Variants in CCBE1 observed in about 807,000 individuals in gnomAD.
The protein encoded by CCBE1 is collagen and calcium-binding EGF domain-containing protein 1.
In CCBE1, 37 loss-of-function variants were observed where a neutral mutation model predicts 50.0. The observed-to-expected ratio is 0.74, with a 90% CI of 0.57 to 0.97. The LOEUF (loss-of-function observed/expected upper bound fraction) is 0.97, where lower values mean the gene tolerates loss of function less well. Ranked by LOEUF, CCBE1 falls within the 50% of genes least tolerant of loss-of-function variation. The pLI is 0.00. For synonymous variants in CCBE1, 234 were observed against 203.7 expected (o/e 1.15, Z -1.27); for missense variants, 538 against 523.8 (o/e 1.03, Z -0.26).
chr18:59,466,954 G>T, intron 4 of CCBE1, 63 bp from the exon 5 acceptor site: 1 of 1,424,616 alleles, frequency 7.0e-7, no homozygotes, highest in Non-Finnish European at 9.9e-7. Context: ...TACAACAGAT[G>T]ACATTGGGCT....
intron 2 of CCBE1, 97 bp downstream of exon 2, chr18:59,696,527 CTCCGG>C: frequency 6.3e-7 from 1 of 1,586,336 alleles, no homozygotes; most frequent in South Asian, 1.1e-5. Flanking sequence ...GTAAAAGCTG[CTCCGG>C]TCCCAAGCGC....
chr18:59,628,152 G>GA (rs1251276840), intron 2 of CCBE1, among the ~76,000 whole-genome samples: 2 of 152,186 alleles, frequency 1.3e-5, no homozygotes, highest in Non-Finnish European at 2.9e-5. Context: ...GGCAAGCTGA[G>GA]ACTGCAGTGA....
At chr18:59,690,155 T>C (rs1190562246) in intron 2 of CCBE1, among the ~76,000 whole-genome samples, 1 of 152,196 alleles carries the variant, frequency 6.6e-6, no homozygotes, top group African/African-American at 2.4e-5. Context: ...ATATTCTAAA[T>C]GTCTAGAACA....
At chr18:59,489,570 T>A (rs1912994184) in intron 2 of CCBE1, among the ~76,000 whole-genome samples, 1 of 152,054 alleles carries the variant, frequency 6.6e-6, no homozygotes, top group South Asian at 2.1e-4. Context: ...TGTGCCACCA[T>A]ACCCACATAA....
intron 2 of CCBE1, among the ~76,000 whole-genome samples, chr18:59,650,242 C>A (rs989793264): frequency 6.6e-6 from 1 of 151,502 alleles, no homozygotes; most frequent in Non-Finnish European, 1.5e-5. Context: ...AGCACTAAGG[C>A]AGTTTCCATT....
chr18:59,594,265 A>G lies in CCBE1; in HGVS notation c.212+102364T>C, dbSNP rs927853001. 2.0e-5 allele frequency among the ~76,000 whole-genome samples: 3 copies of G among 152,246 alleles called. No individual in the cohort carries two copies. In the East Asian group the frequency reaches 5.8e-4, roughly 29 times the overall value. On this transcript the variant is annotated intron_variant, in intron 2 of 10. Transcript: ENST00000439986. Reference sequence around the variant, plus strand: ...GAATCCGCTACAGATGGGTTCCTGAAAATTTGAGTGCTAAATGTTAAAAAG... The same window carrying G: ...GAATCCGCTACAGATGGGTTCCTGAGAATTTGAGTGCTAAATGTTAAAAAG...
intron 3 of CCBE1, among the ~76,000 whole-genome samples, chr18:59,476,704 T>C (rs1231218909): frequency 6.6e-6 from 1 of 152,224 alleles, no homozygotes; most frequent in Non-Finnish European, 1.5e-5. Context: ...CTTCCACTCA[T>C]TAGTTAACGT....
chr18:59,604,598 T>G lies in CCBE1; in HGVS notation c.212+92031A>C, dbSNP rs2053472613. Among the ~76,000 whole-genome samples, 4 of 152,234 alleles carry G rather than the reference T, an allele frequency of 2.6e-5. No individual in the cohort carries two copies. The South Asian group carries it at 8.3e-4, about 32-fold the overall frequency. On this transcript the variant is annotated intron_variant, in intron 2 of 10. Transcript: ENST00000439986. ...AAAAGGAGAGCTGATCATCTACTTCTGTAACAGAAAAACGTGAATTAAACA... is the reference window on the plus strand; with the variant it reads ...AAAAGGAGAGCTGATCATCTACTTCGGTAACAGAAAAACGTGAATTAAACA...
intron 2 of CCBE1, among the ~76,000 whole-genome samples, chr18:59,495,949 G>A (rs1568170937): frequency 6.6e-6 from 1 of 152,196 alleles, no homozygotes; most frequent in Non-Finnish European, 1.5e-5. Flanking sequence ...AAGAAGAGAT[G>A]TTCCTGGTGT....
At chr18:59,605,519 G>A (rs562892741) in intron 2 of CCBE1, among the ~76,000 whole-genome samples, 1 of 152,178 alleles carries the variant, frequency 6.6e-6, no homozygotes, top group African/African-American at 2.4e-5. Context: ...ATAACTCTTA[G>A]GTTGGCCAGC....
At chr18:59,608,115 G>A (rs762673258) in intron 2 of CCBE1, among the ~76,000 whole-genome samples, 19 of 152,104 alleles carry the variant, frequency 1.2e-4, no homozygotes, top group African/African-American at 3.4e-4. Context: ...GTGAGACTCC[G>A]TCTCGAAAAA....
chr18:59,669,728 C>A (rs1238715216), intron 2 of CCBE1, among the ~76,000 whole-genome samples: 1 of 152,236 alleles, frequency 6.6e-6, no homozygotes, highest in Non-Finnish European at 1.5e-5. Flanking sequence ...TCTCCCCGAA[C>A]TTCCGGAGGG....
intron 2 of CCBE1, among the ~76,000 whole-genome samples, chr18:59,658,074 G>A (rs1394013558): frequency 1.3e-5 from 2 of 151,482 alleles, no homozygotes; most frequent in Non-Finnish European, 2.9e-5. Flanking sequence ...CCTTAGGCAG[G>A]GTGTATTCAC....
chr18:59,550,721 T>C (rs937373859), intron 2 of CCBE1, among the ~76,000 whole-genome samples: 3 of 152,128 alleles, frequency 2.0e-5, no homozygotes, highest in East Asian at 3.9e-4. Context: ...TTCCAACTCA[T>C]GGAGACAGAA....
intron 2 of CCBE1, among the ~76,000 whole-genome samples, chr18:59,629,956 C>CT (rs1390647631): frequency 6.6e-6 from 1 of 152,216 alleles, no homozygotes; most frequent in Non-Finnish European, 1.5e-5. Flanking sequence ...AATGGACATA[C>CT]TGCAGGGGCA....
At chr18:59,470,025 T>C (rs981614705) in intron 3 of CCBE1, among the ~76,000 whole-genome samples, 1 of 152,060 alleles carries the variant, frequency 6.6e-6, no homozygotes, top group Non-Finnish European at 1.5e-5. Flanking sequence ...GGTGTCATCA[T>C]GTGGGAGGAA....
Position 59,487,237 on chromosome 18 carries a change from G to A in CCBE1, c.213-6999C>T, listed in dbSNP as rs73963222. On this transcript the variant is annotated intron_variant, in intron 2 of 10. Coordinates refer to ENST00000439986, the MANE Select transcript of CCBE1 (RefSeq NM_133459.4). ...TAATTTTCATCATTCCAGCCACACT[G>A]TGGCATGCCTAAGAAGGGAGTCTGG... Among the ~76,000 whole-genome samples, 384 of 151,534 alleles carry A rather than the reference G, an allele frequency of 2.5e-3. 3 individuals carry two copies. Among genetic ancestry groups the A allele is most frequent in the African/African-American group, 9.0e-3 (371 of 41,242 alleles).
chr18:59,562,201 GC>G (rs2144452604), intron 2 of CCBE1, among the ~76,000 whole-genome samples: 2 of 139,090 alleles, frequency 1.4e-5, no homozygotes, highest in Admixed American at 1.4e-4. Context: ...GGTCTTTCAT[GC>G]ATGTGTGTAT....
rs75301688 is a variant in CCBE1 at position 59,629,263 on chromosome 18, G to T, written c.212+67366C>A. Among the ~76,000 whole-genome samples, 523 of 152,218 alleles carry T rather than the reference G, an allele frequency of 3.4e-3. 1 individual carries two copies. The highest frequency in any genetic ancestry group is 6.8e-3 in the Middle Eastern group (2 of 294). ...TTCTTCCCAGAATCATCTTCCCCCA[G>T]GTATCATGTAACTGACTCCCTCATC... On this transcript the variant is annotated intron_variant, in intron 2 of 10. Coordinates refer to ENST00000439986, the MANE Select transcript of CCBE1 (RefSeq NM_133459.4).
Sources: gnomAD v4.1 joint callset for allele counts (sites outside exome capture counted in the v4.1 genomes callset) on GRCh38, gnomAD v4.1.1 for gene constraint, MANE v1.5 for transcripts, NCBI Gene and HGNC (gene_info 2026-07-23, HGNC 2026-07-21) for gene names.